The following PNLIPRP3 variants were observed in gnomAD, a reference collection of about 807,000 sequenced individuals.
PNLIPRP3 encodes the protein pancreatic lipase-related protein 3.
In PNLIPRP3, 58 loss-of-function variants were observed where a neutral mutation model predicts 52.8. That is an observed-to-expected ratio of 1.10 (90% CI 0.89 to 1.37). The LOEUF (loss-of-function observed/expected upper bound fraction) is 1.37, where lower values mean the gene tolerates loss of function less well. Among genes scored for constraint, PNLIPRP3 ranks in the 40% most tolerant of loss-of-function variants. The pLI is 0.00. For missense variants in PNLIPRP3, 593 were observed against 561.6 expected, an observed-to-expected ratio of 1.06 and a Z score of -0.57; for synonymous variants, 192 against 185.0, an observed-to-expected ratio of 1.04 and a Z score of -0.31.
Position 116,436,753 on chromosome 10 carries a change from G to A in PNLIPRP3, c.92G>A (p.Gly31Asp). The A allele has an allele frequency of 6.2e-7, 1 of 1,613,376 alleles. No homozygotes were observed. Among genetic ancestry groups the A allele is most frequent in the South Asian group, 1.1e-5 (1 of 90,922 alleles). Residue 31 changes from glycine (G) to aspartate (D), a missense_variant, in exon 2 of 12, where the codon GGT becomes GAT. Coordinates refer to ENST00000369230, the MANE Select transcript of PNLIPRP3 (RefSeq NM_001011709.3). ...CYERLGCFKD[G>D]LPWTRTFSTE... ...GAAAGGTTAGGGTGTTTCAAAGATG[G>A]TTTACCATGGACCAGGACTTTCTCA... is the stretch of plus-strand genomic sequence containing the variant.
chr10:116,463,723 T>C (rs1397564685), intron 7 of PNLIPRP3, among the ~76,000 whole-genome samples: 2 of 152,230 alleles, frequency 1.3e-5, no homozygotes, highest in African/African-American at 2.4e-5. Flanking sequence ...TATTACATAA[T>C]AATTATACTG....
chr10:116,450,990 A>G (rs1846027460), intron 4 of PNLIPRP3, among the ~76,000 whole-genome samples: 1 of 152,142 alleles, frequency 6.6e-6, no homozygotes, highest in Admixed American at 6.5e-5. Flanking sequence ...AGCCAAAACA[A>G]TCTCGAGAAA....
At chr10:116,455,903 C>A in intron 5 of PNLIPRP3, 73 bp downstream of exon 5, 1 of 1,014,014 alleles carries the variant, frequency 9.9e-7, no homozygotes, top group Non-Finnish European at 1.5e-6. Flanking sequence ...TATCTGAACA[C>A]CAAGTAATAC....
chr10:116,436,657 A>T, intron 1 of PNLIPRP3, 54 bp from the exon 2 acceptor site: 2 of 1,460,104 alleles, frequency 1.4e-6, no homozygotes, highest in South Asian at 1.5e-5. Flanking sequence ...TGAGAAACAC[A>T]GCCTCTCTCT....
chr10:116,439,487 C>A (rs1845826419), intron 2 of PNLIPRP3: 1 of 723,396 alleles, frequency 1.4e-6, no homozygotes, highest in Admixed American at 1.9e-5. Context: ...ATTCTTCCTC[C>A]CCGTCTTCTT....
intron 3 of PNLIPRP3, 113 bp downstream of exon 3, chr10:116,443,287 A>G (rs936863382): frequency 8.6e-7 from 1 of 1,160,618 alleles, no homozygotes; most frequent in Non-Finnish European, 1.2e-6. Flanking sequence ...TCAGTTATCC[A>G]CAATTATCCG....
intron 5 of PNLIPRP3, among the ~76,000 whole-genome samples, chr10:116,460,159 T>C (rs1272196067): frequency 6.6e-6 from 1 of 152,206 alleles, no homozygotes; most frequent in Non-Finnish European, 1.5e-5. Flanking sequence ...TGATCACCAC[T>C]GCCTCTGCAC....
intron 4 of PNLIPRP3, among the ~76,000 whole-genome samples, chr10:116,448,042 GAGAA>G (rs200696769): frequency 0.014 from 1,741 of 121,220 alleles, 75 homozygotes; most frequent in East Asian, 0.12. Flanking sequence ...AAGAAAGAAA[GAGAA>G]AGAAAGAAAG....
At chr10:116,457,362 G>T (rs957788360) in intron 5 of PNLIPRP3, among the ~76,000 whole-genome samples, 3 of 151,736 alleles carry the variant, frequency 2.0e-5, no homozygotes, top group Non-Finnish European at 4.4e-5. Flanking sequence ...GTACGTGCTC[G>T]CTCTCTCTCT....
chr10:116,466,072 T>C lies in PNLIPRP3; in HGVS notation c.831T>C (p.Cys277=), dbSNP rs2133150654. Residue 277 remains cysteine (C), a synonymous_variant, in exon 8 of 12, where the codon TGT becomes TGC. Transcript: ENST00000369230. ...CAGAAATGGCTTCCTTCTTTGACTG[T>C]AACCATGCCCGAAGTTATCAATTTT... ...YKKEMASFFD[C]NHARSYQFYA... 3.7e-6 allele frequency: 6 copies of C among 1,613,672 alleles called. No individual in the cohort carries two copies. The East Asian group carries it at 1.3e-4, about 36-fold the overall frequency.
At chr10:116,458,275 C>A (rs1004542886) in intron 5 of PNLIPRP3, among the ~76,000 whole-genome samples, 6 of 152,158 alleles carry the variant, frequency 3.9e-5, no homozygotes, top group African/African-American at 1.4e-4. Flanking sequence ...ATACTACACA[C>A]TCAGATCCTA....
chr10:116,468,918 A>G (rs780608974), intron 8 of PNLIPRP3, among the ~76,000 whole-genome samples: 2 of 152,210 alleles, frequency 1.3e-5, no homozygotes, highest in Non-Finnish European at 2.9e-5. Context: ...AACATCTTGC[A>G]TAGTTATTGA....
intron 1 of PNLIPRP3, among the ~76,000 whole-genome samples, chr10:116,431,256 G>C (rs1845705886): frequency 6.6e-6 from 1 of 152,092 alleles, no homozygotes; most frequent in Admixed American, 6.5e-5. Context: ...TTGCCCAGAA[G>C]CTAACCCAAG....
chr10:116,436,883 C>T lies in PNLIPRP3; in HGVS notation c.204+18C>T, dbSNP rs1845782384. ...CCTATCAGGTAAGCTAACTTGCAGC[C>T]TTCACACATGGATTATTCTAAAATA... On this transcript the variant is annotated intron_variant, in intron 2 of 11. Coordinates refer to ENST00000369230, the MANE Select transcript of PNLIPRP3 (RefSeq NM_001011709.3). 1 of 1,558,374 alleles carries T rather than the reference C, an allele frequency of 6.4e-7. No individual in the cohort carries two copies. The highest frequency in any genetic ancestry group is 8.7e-7 in the Non-Finnish European group (1 of 1,146,756).
chr10:116,449,362 G>A (rs1476088091), intron 4 of PNLIPRP3, among the ~76,000 whole-genome samples: 2 of 152,108 alleles, frequency 1.3e-5, no homozygotes, highest in East Asian at 3.8e-4. Context: ...TTTATATTTT[G>A]GAGACACACA....
chr10:116,432,122 T>C lies in PNLIPRP3; in HGVS notation c.49+4061T>C, dbSNP rs565807063. Among the ~76,000 whole-genome samples the C allele has an allele frequency of 1.3e-4, 20 of 152,334 alleles. 1 individual carries two copies. In the South Asian group the frequency reaches 3.7e-3, roughly 28 times the overall value. On this transcript the variant is annotated intron_variant, in intron 1 of 11. Transcript: ENST00000369230. ...TCCCCTAACTAGATTATATACTCCA[T>C]GAGGGCTAGAATTGTTTTCTCCAAT...
chr10:116,449,054 G>A (rs7082136), intron 4 of PNLIPRP3, among the ~76,000 whole-genome samples: 133,767 of 150,992 alleles, frequency 0.89, 60,250 homozygotes, highest in Non-Finnish European at 0.97. Context: ...TTAGCTGGGC[G>A]TGGTAACATG....
chr10:116,455,358 A>C (rs1023859524), intron 4 of PNLIPRP3, among the ~76,000 whole-genome samples: 2 of 152,034 alleles, frequency 1.3e-5, no homozygotes, highest in African/African-American at 2.4e-5. Context: ...TAACTGTAGG[A>C]ATGAGCTGCC....
intron 3 of PNLIPRP3, 71 bp downstream of exon 3, chr10:116,443,245 G>A: frequency 7.0e-7 from 1 of 1,435,048 alleles, no homozygotes; most frequent in Non-Finnish European, 9.4e-7. Context: ...TACTTTGCAA[G>A]GTATTGATGT....
Sources: gnomAD v4.1 joint callset for allele counts (sites outside exome capture counted in the v4.1 genomes callset) on GRCh38, gnomAD v4.1.1 for gene constraint, MANE v1.5 for transcripts, NCBI Gene and HGNC (gene_info 2026-07-23, HGNC 2026-07-21) for gene names.